CTNND2: variants seen among roughly 807,000 people sequenced by gnomAD.
CTNND2 encodes catenin delta-2.
CTNND2 carries 22 observed loss-of-function variants against 144.4 expected under a neutral mutation model. The ratio of observed to expected loss-of-function variants is 0.15; its 90% CI spans 0.11 to 0.22. The LOEUF (loss-of-function observed/expected upper bound fraction) is 0.22. CTNND2 is among the 10% of genes least tolerant of loss of function. CTNND2 has a pLI of 1.00. For synonymous variants in CTNND2, 751 were observed against 695.6 expected, an observed-to-expected ratio of 1.08 and a Z score of -1.25; for missense variants, 1,353 against 1,618.8, an observed-to-expected ratio of 0.84 and a Z score of 2.82.
intron 3 of CTNND2, among the ~76,000 whole-genome samples, chr5:11,550,747 G>C (rs1435471477): frequency 6.6e-6 from 1 of 152,156 alleles, no homozygotes; most frequent in Non-Finnish European, 1.5e-5. Context: ...GTTTCTCCTG[G>C]ATAAAAGGGA....
At chr5:11,809,941 C>T (rs1264561001) in intron 1 of CTNND2, among the ~76,000 whole-genome samples, 2 of 152,146 alleles carry the variant, frequency 1.3e-5, no homozygotes, top group Non-Finnish European at 2.9e-5. Context: ...AAATGCTGGC[C>T]TTGAAAATCC....
chr5:10,997,756 T>C (rs1396704046), intron 18 of CTNND2, among the ~76,000 whole-genome samples: 1 of 152,198 alleles, frequency 6.6e-6, no homozygotes, highest in African/African-American at 2.4e-5. Flanking sequence ...GACAGTCGTT[T>C]AGTCAAAACC....
At chr5:11,029,186 G>C (rs1007301080) in intron 16 of CTNND2, among the ~76,000 whole-genome samples, 23 of 152,126 alleles carry the variant, frequency 1.5e-4, no homozygotes, top group African/African-American at 5.3e-4. Flanking sequence ...TGAATCTAAA[G>C]TAAGTTTTTT....
chr5:11,444,568 G>T (rs1764637706), intron 3 of CTNND2, among the ~76,000 whole-genome samples: 1 of 152,074 alleles, frequency 6.6e-6, no homozygotes, highest in Non-Finnish European at 1.5e-5. Context: ...TTGGTGTGGT[G>T]GTTCACATCT....
chr5:11,437,943 C>T (rs576519359), intron 3 of CTNND2, among the ~76,000 whole-genome samples: 13 of 152,242 alleles, frequency 8.5e-5, no homozygotes, highest in African/African-American at 2.4e-4. Context: ...CGAGGTCTGG[C>T]GGAGGGGCAG....
At chr5:11,527,254 A>G (rs1023122661) in intron 3 of CTNND2, among the ~76,000 whole-genome samples, 1 of 152,224 alleles carries the variant, frequency 6.6e-6, no homozygotes, top group Non-Finnish European at 1.5e-5. Flanking sequence ...AAAAAAAAGA[A>G]AAAACTAAGA....
chr5:11,255,831 T>C (rs961291003), intron 9 of CTNND2, among the ~76,000 whole-genome samples: 1 of 152,192 alleles, frequency 6.6e-6, no homozygotes. Flanking sequence ...CAGGGCCTCA[T>C]TACGTCTTGC....
intron 3 of CTNND2, among the ~76,000 whole-genome samples, chr5:11,544,527 A>G (rs1775042199): frequency 6.6e-6 from 1 of 152,264 alleles, no homozygotes; most frequent in Non-Finnish European, 1.5e-5. Context: ...ACAACTATAA[A>G]CAATTCAAAT....
chr5:11,756,534 A>G (rs909921256), intron 1 of CTNND2, among the ~76,000 whole-genome samples: 11 of 151,692 alleles, frequency 7.3e-5, no homozygotes, highest in African/African-American at 2.7e-4. Context: ...CAGCAGTCAT[A>G]TTTTATGGGT....
intron 3 of CTNND2, among the ~76,000 whole-genome samples, chr5:11,466,774 G>A (rs969720468): frequency 5.9e-5 from 9 of 152,140 alleles, no homozygotes; most frequent in East Asian, 1.9e-4. Context: ...AGTCACTGAC[G>A]CCATCTCCTG....
chr5:11,483,910 A>C (rs1253614301), intron 3 of CTNND2, among the ~76,000 whole-genome samples: 2 of 152,206 alleles, frequency 1.3e-5, no homozygotes, highest in Non-Finnish European at 2.9e-5. Flanking sequence ...AAGGGATGGA[A>C]AACTGGATTG....
chr5:11,555,767 T>C (rs962260726), intron 3 of CTNND2, among the ~76,000 whole-genome samples: 3 of 151,994 alleles, frequency 2.0e-5, no homozygotes, highest in South Asian at 2.1e-4. Flanking sequence ...AGAACAATGA[T>C]TCATAAGGAG....
intron 10 of CTNND2, among the ~76,000 whole-genome samples, chr5:11,234,443 C>T (rs1226759602): frequency 6.6e-6 from 1 of 152,048 alleles, no homozygotes; most frequent in Admixed American, 6.5e-5. Context: ...GAAAAGAGGC[C>T]CCAGGATAAT....
At chr5:11,704,657 A>T (rs1234389871) in intron 2 of CTNND2, among the ~76,000 whole-genome samples, 1 of 151,932 alleles carries the variant, frequency 6.6e-6, no homozygotes, top group Non-Finnish European at 1.5e-5. Flanking sequence ...ACCCACAATA[A>T]GAGAAATGTA....
At chr5:11,447,743 C>G (rs936684825) in intron 3 of CTNND2, among the ~76,000 whole-genome samples, 3 of 152,134 alleles carry the variant, frequency 2.0e-5, no homozygotes, top group African/African-American at 7.2e-5. Context: ...GACAGAAGTG[C>G]ATTGCTATTT....
In CTNND2 at chr5:11,875,075, T is replaced by C. The variant is rs190972469; in HGVS notation, c.37+28742A>G. On this transcript the variant is annotated intron_variant, in intron 1 of 21. Transcript: ENST00000304623. The stretch of plus-strand genomic sequence containing the variant: ...CATATAGTAATCATGACTACATCCT[T>C]TCACTTAAGTGGATAACTTAAAAAT... Among the ~76,000 whole-genome samples the C allele has an allele frequency of 6.9e-4, 105 of 152,272 alleles. 1 individual carries two copies. In the South Asian group the frequency reaches 0.013, roughly 19 times the overall value.
At chr5:11,403,351 C>T (rs1012942258) in intron 5 of CTNND2, among the ~76,000 whole-genome samples, 1 of 152,140 alleles carries the variant, frequency 6.6e-6, no homozygotes, top group African/African-American at 2.4e-5. Context: ...TGGTTTCCAG[C>T]TTCATCCATG....
intron 9 of CTNND2, among the ~76,000 whole-genome samples, chr5:11,276,678 C>A (rs1746567986): frequency 6.6e-6 from 1 of 152,128 alleles, no homozygotes. Context: ...AGTGCGTTTG[C>A]AAATGTAATT....
At chr5:11,314,988 T>C (rs1751347290) in intron 9 of CTNND2, among the ~76,000 whole-genome samples, 1 of 152,132 alleles carries the variant, frequency 6.6e-6, no homozygotes, top group Admixed American at 6.5e-5. Flanking sequence ...AAACTTTTAA[T>C]TGTTTATTTA....
Sources: allele counts gnomAD v4.1 joint callset (sites outside exome capture counted in the v4.1 genomes callset), GRCh38; gene constraint gnomAD v4.1.1; transcripts MANE v1.5; gene names NCBI Gene and HGNC (gene_info 2026-07-23, HGNC 2026-07-21).